ASTN2: variants seen among roughly 807,000 people sequenced by gnomAD.
ASTN2 encodes the protein astrotactin-2.
A neutral mutation model predicts 139.8 loss-of-function variants in ASTN2; 54 were observed. The ratio of observed to expected loss-of-function variants is 0.39; its 90% CI spans 0.31 to 0.48. The LOEUF is 0.48. Ranked by LOEUF, ASTN2 falls within the 20% of genes least tolerant of loss-of-function variation. The pLI, the probability that ASTN2 is intolerant of heterozygous loss-of-function variation, is 0.95. For synonymous variants in ASTN2, 756 were observed against 719.5 expected, an observed-to-expected ratio of 1.05 and a Z score of -0.81; for missense variants, 1,565 against 1,725.1, an observed-to-expected ratio of 0.91 and a Z score of 1.64.
At chr9:117,079,434 T>C (rs1481430960) in intron 5 of ASTN2, among the ~76,000 whole-genome samples, 1 of 152,002 alleles carries the variant, frequency 6.6e-6, no homozygotes, top group Non-Finnish European at 1.5e-5. Context: ...TAAATCAAAC[T>C]CTGGACTGAG....
At chr9:116,446,255 G>GGAGAGA (rs373227100) in intron 20 of ASTN2, among the ~76,000 whole-genome samples, 42 of 114,004 alleles carry the variant, frequency 3.7e-4, no homozygotes, top group East Asian at 1.5e-3. Flanking sequence ...GAGGGGAGAG[G>GGAGAGA]GAGAGAGAGA....
At chr9:117,157,742 T>C in intron 3 of ASTN2, among the ~76,000 whole-genome samples, 1 of 152,006 alleles carries the variant, frequency 6.6e-6, no homozygotes, top group Admixed American at 6.6e-5. Context: ...GAGTTCAGTT[T>C]TCCTATAGGG....
chr9:116,718,316 G>A (rs892286517), intron 16 of ASTN2, among the ~76,000 whole-genome samples: 3 of 152,210 alleles, frequency 2.0e-5, no homozygotes, highest in African/African-American at 7.2e-5. Context: ...AAAGCACGGA[G>A]ACACACAGGG....
intron 10 of ASTN2, among the ~76,000 whole-genome samples, chr9:116,891,710 C>A (rs143376512): frequency 2.6e-5 from 4 of 152,190 alleles, no homozygotes; most frequent in Non-Finnish European, 5.9e-5. Context: ...GAGTGATGGG[C>A]ACTTGGTCAT....
intron 19 of ASTN2, among the ~76,000 whole-genome samples, chr9:116,502,755 G>C (rs1454676056): frequency 1.2e-5 from 1 of 80,158 alleles, no homozygotes; most frequent in African/African-American, 4.9e-5. Flanking sequence ...ATGAGGGAAG[G>C]AAGGAGAGAA....
chr9:116,798,885 G>C (rs541552689), intron 13 of ASTN2, among the ~76,000 whole-genome samples: 2 of 152,272 alleles, frequency 1.3e-5, no homozygotes, highest in East Asian at 3.9e-4. Flanking sequence ...TCACAGTCAG[G>C]CCACTGAAGT....
In ASTN2 at chr9:116,722,128, C is replaced by T. The variant is rs531654790; in HGVS notation, c.2806+3643G>A. Among the ~76,000 whole-genome samples the T allele has an allele frequency of 1.8e-4, 28 of 152,208 alleles. 1 individual carries two copies. The highest frequency in any genetic ancestry group is 9.2e-4 in the Admixed American group (14 of 15,290). ...CCTCCTCCCTCTTCCCAGCTGTCTACCAGTGGATTTTTAAAAGTCTGTAAC... is the reference window on the plus strand; with the variant it reads ...CCTCCTCCCTCTTCCCAGCTGTCTATCAGTGGATTTTTAAAAGTCTGTAAC... On this transcript the variant is annotated intron_variant, in intron 16 of 22. Coordinates refer to ENST00000313400, the MANE Select transcript of ASTN2 (RefSeq NM_001365068.1).
At chr9:116,646,838 C>A (rs1014051740) in intron 17 of ASTN2, among the ~76,000 whole-genome samples, 1 of 152,212 alleles carries the variant, frequency 6.6e-6, no homozygotes, top group Non-Finnish European at 1.5e-5. Flanking sequence ...CTGGCTTCCC[C>A]ATTGCCCTGG....
Position 117,059,168 on chromosome 9 carries a change from G to A in ASTN2, c.1277-19203C>T, listed in dbSNP as rs1355462009. On this transcript the variant is annotated intron_variant, in intron 5 of 22. Coordinates refer to ENST00000313400, the MANE Select transcript of ASTN2 (RefSeq NM_001365068.1). ...AGTCATCAAATGCAGAGTACAGTTG[G>A]GGATGGAATTGCTGGACTTGTGATG... is the stretch of plus-strand genomic sequence containing the variant. Among the ~76,000 whole-genome samples, 4 of 152,142 alleles carry A rather than the reference G, an allele frequency of 2.6e-5. No homozygotes were observed. In the South Asian group the frequency reaches 8.3e-4, roughly 32 times the overall value.
intron 2 of ASTN2, among the ~76,000 whole-genome samples, chr9:117,234,984 A>G (rs1833003060): frequency 6.6e-6 from 1 of 152,238 alleles, no homozygotes; most frequent in Non-Finnish European, 1.5e-5. Context: ...CTGTAATCCC[A>G]GCACTTTGGG....
intron 19 of ASTN2, among the ~76,000 whole-genome samples, chr9:116,527,074 A>T (rs941255583): frequency 4.6e-5 from 7 of 152,214 alleles, no homozygotes; most frequent in Non-Finnish European, 1.0e-4. Flanking sequence ...ATAAGACCTG[A>T]AACTATAAAG....
intron 2 of ASTN2, among the ~76,000 whole-genome samples, chr9:117,225,979 G>A (rs746284677): frequency 6.6e-6 from 1 of 152,146 alleles, no homozygotes; most frequent in East Asian, 1.9e-4. Context: ...TTGGTTTGTG[G>A]CAACAGGTAA....
At chr9:116,590,668 T>C (rs1588046213) in intron 19 of ASTN2, among the ~76,000 whole-genome samples, 1 of 152,252 alleles carries the variant, frequency 6.6e-6, no homozygotes, top group East Asian at 1.9e-4. Flanking sequence ...GAGTGAGAAC[T>C]TACAGTGATT....
intron 4 of ASTN2, among the ~76,000 whole-genome samples, chr9:117,119,603 T>A (rs1158428302): frequency 2.6e-5 from 4 of 152,210 alleles, no homozygotes; most frequent in Non-Finnish European, 4.4e-5. Context: ...GGGAGCTAGA[T>A]TTGAGTCCAA....
intron 7 of ASTN2, among the ~76,000 whole-genome samples, chr9:116,979,433 T>C (rs754311302): frequency 2.0e-5 from 3 of 151,772 alleles, no homozygotes; most frequent in Admixed American, 1.3e-4. Context: ...TGCTACCTAA[T>C]GAACTGATTG....
At chr9:116,783,242 A>G (rs1830267571) in intron 13 of ASTN2, among the ~76,000 whole-genome samples, 1 of 151,608 alleles carries the variant, frequency 6.6e-6, no homozygotes, top group African/African-American at 2.4e-5. Flanking sequence ...AACAAGTCTC[A>G]CAGGCAAACT....
At chr9:116,575,404 C>T (rs1161531438) in intron 19 of ASTN2, among the ~76,000 whole-genome samples, 1 of 152,028 alleles carries the variant, frequency 6.6e-6, no homozygotes, top group African/African-American at 2.4e-5. Context: ...TGGATGAGTA[C>T]AGGATCCCTA....
intron 3 of ASTN2, among the ~76,000 whole-genome samples, chr9:117,199,539 T>C (rs777954805): frequency 6.6e-6 from 1 of 152,206 alleles, no homozygotes; most frequent in Non-Finnish European, 1.5e-5. Flanking sequence ...GGAAGTAGCA[T>C]AGTTTGAAGT....
At chr9:116,929,927 T>C (rs1478006158) in intron 10 of ASTN2, among the ~76,000 whole-genome samples, 2 of 152,228 alleles carry the variant, frequency 1.3e-5, no homozygotes, top group East Asian at 3.9e-4. Flanking sequence ...ATTGTCAGAG[T>C]TCCACACGAC....
Sources: gnomAD v4.1 joint callset for allele counts (sites outside exome capture counted in the v4.1 genomes callset) on GRCh38, gnomAD v4.1.1 for gene constraint, MANE v1.5 for transcripts, NCBI Gene and HGNC (gene_info 2026-07-23, HGNC 2026-07-21) for gene names.